SEZ6L: variants seen among roughly 807,000 people sequenced by gnomAD.
The protein encoded by SEZ6L is seizure 6-like protein.
A neutral mutation model predicts 106.2 loss-of-function variants in SEZ6L; 37 were observed. The ratio of observed to expected loss-of-function variants is 0.35; its 90% confidence interval spans 0.27 to 0.46. The LOEUF (loss-of-function observed/expected upper bound fraction) is 0.46, where lower values mean the gene tolerates loss of function less well. Among genes scored for constraint, SEZ6L ranks in the 20% least tolerant of loss-of-function variants. The pLI is 1.00. For missense variants in SEZ6L, 1,172 were observed against 1,332.8 expected, an observed-to-expected ratio of 0.88 and a Z score of 1.88; for synonymous variants, 541 against 570.4, an observed-to-expected ratio of 0.95 and a Z score of 0.73.
At chr22:26,263,288 T>G (rs5761458) in intron 1 of SEZ6L, among the ~76,000 whole-genome samples, 19,108 of 152,262 alleles carry the variant, frequency 0.13, 1,601 homozygotes, top group East Asian at 0.35. Flanking sequence ...AGCCTTCTTG[T>G]CGTCATTTGT....
intron 4 of SEZ6L, 28 bp downstream of exon 4, chr22:26,297,108 A>G (rs1358022390): frequency 3.9e-6 from 6 of 1,531,762 alleles, no homozygotes; most frequent in Non-Finnish European, 1.8e-6. Flanking sequence ...CTGATGAAAC[A>G]TAGGCGTTTG....
At position 26,375,642 on chromosome 22, in the gene SEZ6L, C is replaced by A; in HGVS notation, c.2895C>A (p.Val965=). ...TGGCCCTGGCTATCTTCATCCCGGT[C>A]CTCATCATCTCCTTACTGCTGGGAG... The part of the protein sequence containing the change: ...GNMALAIFIP[V]LIISLLLGGA... The change falls in exon 15 of 17, where the codon GTC becomes GTA. Residue 965 remains valine, a synonymous_variant. Transcript: ENST00000248933. The A allele has an allele frequency of 1.2e-6, 2 of 1,614,134 alleles. No homozygotes were observed. Among genetic ancestry groups the A allele is most frequent in the Non-Finnish European group, 1.7e-6 (2 of 1,180,020 alleles).
intron 1 of SEZ6L, among the ~76,000 whole-genome samples, chr22:26,234,869 G>T (rs1388542038): frequency 6.6e-6 from 1 of 152,242 alleles, no homozygotes; most frequent in South Asian, 2.1e-4. Flanking sequence ...CGGGTATCAG[G>T]GAAGGCTACC....
intron 1 of SEZ6L, among the ~76,000 whole-genome samples, chr22:26,289,149 G>A (rs897725512): frequency 3.3e-5 from 5 of 152,154 alleles, no homozygotes; most frequent in African/African-American, 1.2e-4. Flanking sequence ...GTGAATAGTG[G>A]CCAAGATGGG....
chr22:26,279,375 TG>T (rs2145855451), intron 1 of SEZ6L, among the ~76,000 whole-genome samples: 1 of 152,314 alleles, frequency 6.6e-6, no homozygotes, highest in East Asian at 1.9e-4. Context: ...AGAGGAGGGC[TG>T]GGGATCTTGG....
At position 26,340,593 on chromosome 22, in the gene SEZ6L, A is replaced by G; in HGVS notation, c.2173A>G (p.Ile725Val). The G allele has an allele frequency of 1.2e-6, 2 of 1,614,018 alleles. No individual in the cohort carries two copies. Among genetic ancestry groups the G allele is most frequent in the Non-Finnish European group, 1.7e-6 (2 of 1,179,968 alleles). ...GTTCCATTCGGACCCTGCTGGCCTC[A>G]TCTTTGGAAAGGGCCAGGGATTTAT... ...IQFHSDPAGL[I>V]FGKGQGFIMN... is the part of the protein sequence containing the mutation. Residue 725 changes from isoleucine (I) to valine (V), a missense_variant, in exon 10 of 17, where the codon ATC becomes GTC. Transcript: ENST00000248933.
chr22:26,343,038 A>G (rs1223316992), intron 10 of SEZ6L, among the ~76,000 whole-genome samples: 2 of 151,942 alleles, frequency 1.3e-5, no homozygotes, highest in African/African-American at 4.8e-5. Context: ...TTTACCTTTG[A>G]TTGTGCTGCT....
At chr22:26,335,318 G>A (rs925013922) in intron 9 of SEZ6L, among the ~76,000 whole-genome samples, 10 of 152,230 alleles carry the variant, frequency 6.6e-5, no homozygotes, top group Middle Eastern at 3.4e-3. Context: ...TGAAAGCTGC[G>A]TTTTCATAGG....
chr22:26,263,508 C>G (rs777524300), intron 1 of SEZ6L, among the ~76,000 whole-genome samples: 1 of 152,230 alleles, frequency 6.6e-6, no homozygotes, highest in African/African-American at 2.4e-5. Flanking sequence ...TTCTGTGACT[C>G]CAAAATCCAC....
intron 1 of SEZ6L, among the ~76,000 whole-genome samples, chr22:26,253,103 G>T (rs2079661883): frequency 6.6e-6 from 1 of 152,198 alleles, no homozygotes; most frequent in South Asian, 2.1e-4. Context: ...CTAGAAGGGT[G>T]GGTATTATTA....
intron 10 of SEZ6L, among the ~76,000 whole-genome samples, chr22:26,346,891 A>G (rs903947201): frequency 1.3e-5 from 2 of 152,138 alleles, no homozygotes; most frequent in African/African-American, 4.8e-5. Context: ...GTTGGTAGGG[A>G]CTACACAAGA....
At chr22:26,302,911 T>G (rs904534141) in intron 5 of SEZ6L, among the ~76,000 whole-genome samples, 6 of 152,180 alleles carry the variant, frequency 3.9e-5, no homozygotes, top group Admixed American at 3.9e-4. Flanking sequence ...CCAGGGACAG[T>G]GTCCTCCATT....
rs117124943 is a variant in SEZ6L, at chr22:26,344,569, A to G, written c.2213-3150A>G. On this transcript the variant is annotated intron_variant, in intron 10 of 16. Transcript: ENST00000248933. ...TAGAGATGTCTGCCATGAGCATGAA[A>G]TGGTAGATGGTGGTGTGCATTCAGT... Among the ~76,000 whole-genome samples the G allele has an allele frequency of 2.0e-5, 3 of 152,336 alleles. No individual in the cohort carries two copies. In the East Asian group the frequency reaches 5.8e-4, roughly 29 times the overall value.
intron 1 of SEZ6L, among the ~76,000 whole-genome samples, chr22:26,201,580 A>AAAAATT (rs1940964024): frequency 8.6e-5 from 13 of 151,866 alleles, no homozygotes; most frequent in Non-Finnish European, 1.8e-4. Flanking sequence ...AAATAAAAAT[A>AAAAATT]AAATAAAATA....
At chr22:26,255,378 G>A (rs1420907727) in intron 1 of SEZ6L, among the ~76,000 whole-genome samples, 1 of 152,192 alleles carries the variant, frequency 6.6e-6, no homozygotes, top group Non-Finnish European at 1.5e-5. Context: ...TCATAGAGAA[G>A]AAGAATCCCC....
intron 9 of SEZ6L, among the ~76,000 whole-genome samples, chr22:26,333,509 G>A (rs74436227): frequency 0.01 from 1,547 of 152,308 alleles, 10 homozygotes; most frequent in Non-Finnish European, 0.015. Flanking sequence ...AGTCCAGTCG[G>A]GGTTAGGGTC....
intron 12 of SEZ6L, among the ~76,000 whole-genome samples, chr22:26,354,131 A>C (rs931575064): frequency 3.3e-5 from 5 of 152,132 alleles, no homozygotes; most frequent in African/African-American, 1.2e-4. Context: ...TGTAACTGTG[A>C]CCTTGATTAG....
intron 1 of SEZ6L, among the ~76,000 whole-genome samples, chr22:26,217,032 GA>G (rs2078318719): frequency 6.6e-6 from 1 of 152,156 alleles, no homozygotes; most frequent in African/African-American, 2.4e-5. Context: ...ACTGGGATTT[GA>G]ACCCAGGACT....
At chr22:26,265,195 G>T (rs1267886908) in intron 1 of SEZ6L, among the ~76,000 whole-genome samples, 2 of 152,146 alleles carry the variant, frequency 1.3e-5, no homozygotes, top group Non-Finnish European at 2.9e-5. Context: ...GGATGGCATA[G>T]CTGGGGCAAG....
Sources: gnomAD v4.1 joint callset for allele counts (sites outside exome capture counted in the v4.1 genomes callset) on GRCh38, gnomAD v4.1.1 for gene constraint, MANE v1.5 for transcripts, NCBI Gene and HGNC (gene_info 2026-07-23, HGNC 2026-07-21) for gene names.